SPAG16: variants seen among roughly 807,000 people sequenced by gnomAD.
SPAG16 encodes the protein sperm-associated antigen 16 protein.
Under a neutral mutation model 80.4 loss-of-function variants are expected in SPAG16, and 86 were observed. The ratio of observed to expected loss-of-function variants is 1.07; its 90% CI spans 0.90 to 1.28. The LOEUF (loss-of-function observed/expected upper bound fraction) is 1.28, where lower values mean the gene tolerates loss of function less well. Ranked by LOEUF, SPAG16 falls within the 50% of genes most tolerant of loss-of-function variation. SPAG16 has a pLI of 0.00. For missense variants in SPAG16, 870 were observed against 765.3 expected (o/e 1.14, Z -1.61); for synonymous variants, 294 against 265.9 (o/e 1.11, Z -1.03).
intron 15 of SPAG16, among the ~76,000 whole-genome samples, chr2:214,330,845 A>G (rs1380657558): frequency 2.0e-5 from 3 of 152,180 alleles, no homozygotes; most frequent in Non-Finnish European, 4.4e-5. Flanking sequence ...GTATCACAGC[A>G]TCCATTAGGG....
At chr2:214,243,306 G>C (rs889086585) in intron 15 of SPAG16, among the ~76,000 whole-genome samples, 3 of 151,998 alleles carry the variant, frequency 2.0e-5, no homozygotes. Context: ...ATGAACCAAC[G>C]ATTTGAAGAA....
chr2:214,330,363 T>C (rs1358024187), intron 15 of SPAG16, among the ~76,000 whole-genome samples: 1 of 151,758 alleles, frequency 6.6e-6, no homozygotes, highest in Non-Finnish European at 1.5e-5. Context: ...AGGAATAGAA[T>C]TGAAGAAGTT....
rs571077308 is a variant in SPAG16, at chr2:213,696,503, A to T, written c.1071-165982A>T. 2.7e-4 allele frequency among the ~76,000 whole-genome samples: 41 copies of T among 152,274 alleles called. 1 individual carries two copies. Among genetic ancestry groups the T allele is most frequent in the Admixed American group, 2.6e-3 (39 of 15,292 alleles). On this transcript the variant is annotated intron_variant, in intron 10 of 15. Coordinates refer to ENST00000331683, the MANE Select transcript of SPAG16 (RefSeq NM_024532.5). ...ACATCCCTGGCTCACTCTAATACTT[A>T]AATAATAATTAGAGAAAGAGGAACC...
intron 10 of SPAG16, among the ~76,000 whole-genome samples, chr2:213,799,960 GAAAAAAAAAA>G (rs11296127): frequency 2.3e-5 from 3 of 130,588 alleles, no homozygotes; most frequent in Admixed American, 7.5e-5. Flanking sequence ...AGACTGGATT[GAAAAAAAAAA>G]AAAAAAGAAA....
chr2:213,909,330 C>A (rs1254202560), intron 11 of SPAG16, among the ~76,000 whole-genome samples: 1 of 151,762 alleles, frequency 6.6e-6, no homozygotes, highest in African/African-American at 2.4e-5. Flanking sequence ...TCAATGCCAT[C>A]CCATCAAGCT....
intron 10 of SPAG16, among the ~76,000 whole-genome samples, chr2:213,854,630 T>C (rs2075067478): frequency 6.6e-6 from 1 of 152,238 alleles, no homozygotes; most frequent in Admixed American, 6.5e-5. Context: ...AAGTATTAAC[T>C]TTAAAAATTC....
At chr2:213,962,023 G>A (rs1008584431) in intron 12 of SPAG16, among the ~76,000 whole-genome samples, 2 of 151,996 alleles carry the variant, frequency 1.3e-5, no homozygotes, top group Admixed American at 1.3e-4. Flanking sequence ...CCTTTTCTTT[G>A]TGTAGGGTTT....
At chr2:213,396,372 A>G (rs1012477584) in intron 9 of SPAG16, among the ~76,000 whole-genome samples, 1 of 152,222 alleles carries the variant, frequency 6.6e-6, no homozygotes, top group East Asian at 1.9e-4. Flanking sequence ...ACATCTTTCA[A>G]TAACAATTTT....
chr2:213,422,225 G>A (rs1055361406), intron 9 of SPAG16: 1 of 701,722 alleles, frequency 1.4e-6, no homozygotes, highest in Admixed American at 2.0e-5. Flanking sequence ...CCTCTTTGGG[G>A]CTGTGCAGTT....
At position 214,149,218 on chromosome 2, in the gene SPAG16, A is replaced by C; in HGVS notation, c.1672A>C (p.Ile558Leu). 6.3e-7 allele frequency: 1 copy of C among 1,599,850 alleles called. No individual in the cohort carries two copies. Among genetic ancestry groups the C allele is most frequent in the Non-Finnish European group, 8.5e-7 (1 of 1,172,708 alleles). ...TCGGAAGCTGTTACCAATTGTGTCC[A>C]TCGATATAGGTCCAAGTCCTGGCAA... ...DFRKLLPIVSIDIGPSPGNEV... is the reference protein window; with the variant it reads ...DFRKLLPIVSLDIGPSPGNEV... Residue 558 changes from isoleucine to leucine, a missense_variant, in exon 15 of 16, where the codon ATC becomes CTC. Coordinates refer to ENST00000331683, the MANE Select transcript of SPAG16 (RefSeq NM_024532.5).
chr2:213,656,217 A>G (rs57907847), intron 10 of SPAG16, among the ~76,000 whole-genome samples: 2,104 of 152,242 alleles, frequency 0.014, 51 homozygotes, highest in African/African-American at 0.046. Flanking sequence ...TGTTTTTGGG[A>G]CGGAGTCTCG....
chr2:213,807,950 A>G (rs1315248172), intron 10 of SPAG16, among the ~76,000 whole-genome samples: 3 of 152,182 alleles, frequency 2.0e-5, no homozygotes, highest in African/African-American at 7.2e-5. Flanking sequence ...CTAGTGACCT[A>G]TGATAGGCCT....
chr2:214,393,376 C>G (rs1245704368), intron 15 of SPAG16, among the ~76,000 whole-genome samples: 2 of 151,936 alleles, frequency 1.3e-5, no homozygotes, highest in Admixed American at 6.6e-5. Flanking sequence ...GTTCAATGAT[C>G]CCCTGAATTG....
At chr2:213,419,307 T>A (rs147844526) in intron 9 of SPAG16, among the ~76,000 whole-genome samples, 142 of 152,324 alleles carry the variant, frequency 9.3e-4, no homozygotes, top group African/African-American at 3.3e-3. Flanking sequence ...TATGTTGTTT[T>A]CTTTGTATTT....
intron 13 of SPAG16, among the ~76,000 whole-genome samples, chr2:214,076,743 G>C (rs2051100291): frequency 6.6e-6 from 1 of 152,102 alleles, no homozygotes; most frequent in Non-Finnish European, 1.5e-5. Context: ...AACCACAATG[G>C]CATATGAGTT....
At chr2:213,715,422 C>T (rs996899672) in intron 10 of SPAG16, among the ~76,000 whole-genome samples, 1 of 152,058 alleles carries the variant, frequency 6.6e-6, no homozygotes, top group Non-Finnish European at 1.5e-5. Context: ...TTAGATAATT[C>T]GTGACAAGCG....
intron 13 of SPAG16, among the ~76,000 whole-genome samples, chr2:214,071,272 A>G (rs943700174): frequency 6.6e-6 from 1 of 152,148 alleles, no homozygotes; most frequent in Non-Finnish European, 1.5e-5. Flanking sequence ...AAGCAAGGGC[A>G]GGTCTGTAGA....
intron 13 of SPAG16, among the ~76,000 whole-genome samples, chr2:214,038,501 C>T (rs1270510864): frequency 1.3e-5 from 2 of 151,966 alleles, no homozygotes; most frequent in African/African-American, 4.8e-5. Context: ...AAAAGCTTAC[C>T]ATTTGTAATA....
intron 10 of SPAG16, among the ~76,000 whole-genome samples, chr2:213,675,627 A>G (rs976731646): frequency 1.9e-4 from 29 of 152,176 alleles, no homozygotes; most frequent in Non-Finnish European, 3.2e-4. Flanking sequence ...TCCCAGCACT[A>G]TTTATTAAAT....
Sources: allele counts gnomAD v4.1 joint callset (sites outside exome capture counted in the v4.1 genomes callset), GRCh38; gene constraint gnomAD v4.1.1; transcripts MANE v1.5; gene names NCBI Gene and HGNC (gene_info 2026-07-23, HGNC 2026-07-21).